Variants in PKHD1L1 observed in about 807,000 individuals in gnomAD.
PKHD1L1 encodes PKHD1 like 1, also known as fibrocystin-L.
Under a neutral mutation model 462.9 loss-of-function variants are expected in PKHD1L1, and 434 were observed. The observed-to-expected ratio is 0.94, with a 90% confidence interval of 0.87 to 1.02. PKHD1L1 has a LOEUF of 1.02. PKHD1L1 is among the 50% of genes least tolerant of loss of function. The pLI is 0.00. For synonymous variants in PKHD1L1, 1,781 were observed against 1,750.0 expected (o/e 1.02, Z -0.44); for missense variants, 5,202 against 5,096.1 (o/e 1.02, Z -0.63).
rs1414668285 is a variant in PKHD1L1 at position 109,385,481 on chromosome 8, G to GT, written c.476-55dup. 4 of 1,134,842 alleles carry GT rather than the reference G, an allele frequency of 3.5e-6. No homozygotes were observed. The African/African-American group carries it at 6.3e-5, about 18-fold the overall frequency. 70.3% of individuals were successfully genotyped at this position (1,134,842 alleles called of 1,614,324 possible). A position where few individuals can be genotyped will look rare whatever the true frequency, so the allele number is the denominator to read the frequency against. On this transcript the variant is annotated intron_variant, in intron 5 of 77. Coordinates refer to ENST00000378402, the MANE Select transcript of PKHD1L1 (RefSeq NM_177531.6). ...AAAATCTCTTATGTTTTCGTATTAAGTGTATGGATAGATTTTCTTACACAG... is the reference window on the plus strand; with the variant it reads ...AAAATCTCTTATGTTTTCGTATTAAGTTGTATGGATAGATTTTCTTACACAG...
intron 33 of PKHD1L1, 108 bp downstream of exon 33, chr8:109,440,960 C>G: frequency 7.6e-7 from 1 of 1,319,778 alleles, no homozygotes; most frequent in Non-Finnish European, 1.0e-6. Flanking sequence ...CTTTATTTTT[C>G]TAGTAGCATA....
chr8:109,409,872 G>C lies in PKHD1L1; in HGVS notation c.1979G>C (p.Gly660Ala), dbSNP rs1343287322. ...TLWSSEAEFQ[G>A]AVEEMVSTKC... ...TTTATATTGTTAATTTAGTTTCAGG[G>C]AGCAGTGGAAGAAATGGTTAGCACT... The change falls in exon 19 of 78, where the codon GGA becomes GCA. Residue 660 changes from glycine (G) to alanine (A), a missense_variant. This residue lies in a region of PKHD1L1 where 4,497 missense variants were observed against 4,336.8 expected (regional missense o/e 1.04). Transcript: ENST00000378402. The C allele has an allele frequency of 1.3e-6, 2 of 1,575,134 alleles. No individual in the cohort carries two copies. The highest frequency in any genetic ancestry group is 2.4e-5 in the South Asian group (2 of 84,828).
chr8:109,435,390 A>G (rs78088126), intron 29 of PKHD1L1, 36 bp downstream of exon 29: 1 of 1,587,316 alleles, frequency 6.3e-7, no homozygotes, highest in African/African-American at 1.3e-5. Context: ...AGAAAATTGC[A>G]TGCATTTCCA....
At chr8:109,363,866 CCGTGG>C (rs1811098233) in intron 1 of PKHD1L1, among the ~76,000 whole-genome samples, 1 of 152,096 alleles carries the variant, frequency 6.6e-6, no homozygotes, top group African/African-American at 2.4e-5. Flanking sequence ...CTTGAGGCAC[CCGTGG>C]CCTCTATGCT....
At chr8:109,416,312 A>C (rs1814167379) in intron 21 of PKHD1L1, among the ~76,000 whole-genome samples, 1 of 152,256 alleles carries the variant, frequency 6.6e-6, no homozygotes, top group African/African-American at 2.4e-5. Context: ...TCTTGTTTAC[A>C]CAAAGTTCAT....
chr8:109,396,442 C>CATTTAGAAG (rs1812980471), intron 11 of PKHD1L1, among the ~76,000 whole-genome samples: 1 of 152,170 alleles, frequency 6.6e-6, no homozygotes, highest in Non-Finnish European at 1.5e-5. Flanking sequence ...ACACACCTAC[C>CATTTAGAAG]CTTAATTTAG....
rs1256855511 is a variant in PKHD1L1, at chr8:109,532,568, T to C, written c.*2478T>C. Among the ~76,000 whole-genome samples the C allele has an allele frequency of 6.6e-6, 1 of 152,208 alleles. No individual in the cohort carries two copies. Among genetic ancestry groups the C allele is most frequent in the Admixed American group, 6.5e-5 (1 of 15,268 alleles). On this transcript the variant is annotated 3_prime_UTR_variant, in exon 78 of 78. Transcript: ENST00000378402. ...GGCTATCTAGCTCTTGAACAAGTCA[T>C]AAAAATCCTTTGATGTGTGAATATT...
rs780597034 is a variant in PKHD1L1, at chr8:109,464,683, T to C, written c.7851T>C (p.His2617=). 3.1e-6 allele frequency: 5 copies of C among 1,613,662 alleles called. No homozygotes were observed. In the East Asian group the frequency reaches 1.1e-4, roughly 36 times the overall value. Residue 2617 remains histidine, a synonymous_variant, in exon 49 of 78, where the codon CAT becomes CAC. Transcript: ENST00000378402. The part of the protein sequence containing the change: ...PLGEFFNNTV[H]SQGWFGMWIF... ...GCGAATTTTTTAACAATACTGTCCA[T>C]TCTCAAGGTTGGTTTGGAATGTGGA...
At chr8:109,447,224 GAAACAAAC>G (rs561404511) in intron 38 of PKHD1L1, among the ~76,000 whole-genome samples, 11 of 151,942 alleles carry the variant, frequency 7.2e-5, no homozygotes, top group South Asian at 2.1e-4. Context: ...CTCCATCTCC[GAAACAAAC>G]AAACAAACAA....
At chr8:109,513,180 C>A (rs1004030218) in intron 71 of PKHD1L1, among the ~76,000 whole-genome samples, 4 of 151,622 alleles carry the variant, frequency 2.6e-5, no homozygotes, top group African/African-American at 9.7e-5. Flanking sequence ...TAATTGAATA[C>A]CCTTTATTTC....
At position 109,464,357 on chromosome 8, in the gene PKHD1L1, C is replaced by G; in HGVS notation, c.7525C>G (p.His2509Asp). 1 of 1,613,326 alleles carries G rather than the reference C, an allele frequency of 6.2e-7. No individual in the cohort carries two copies. The highest frequency in any genetic ancestry group is 8.5e-7 in the Non-Finnish European group (1 of 1,179,570). Reference sequence around the variant, plus strand: ...CAGAGCTGTTACTATTCATAACACACACCATCTTCTGGTTGAGAGGAATAT... The same window carrying G: ...CAGAGCTGTTACTATTCATAACACAGACCATCTTCTGGTTGAGAGGAATAT... ...YNRAVTIHNT[H>D]HLLVERNIIY... Residue 2509 changes from histidine (H) to aspartate (D), a missense_variant, in exon 49 of 78, where the codon CAC becomes GAC. Physicochemically the swap from His to Asp is moderately conservative, Grantham distance 81. Coordinates refer to ENST00000378402, the MANE Select transcript of PKHD1L1 (RefSeq NM_177531.6).
chr8:109,468,498 G>A (rs944892470), intron 50 of PKHD1L1, among the ~76,000 whole-genome samples: 2 of 152,174 alleles, frequency 1.3e-5, no homozygotes, highest in East Asian at 1.9e-4. Context: ...TAAATAGTAA[G>A]TACTCAGCAA....
At chr8:109,407,155 T>C (rs146817104) in intron 17 of PKHD1L1, among the ~76,000 whole-genome samples, 23 of 152,302 alleles carry the variant, frequency 1.5e-4, no homozygotes, top group Non-Finnish European at 3.2e-4. Flanking sequence ...TGTGTGTGTG[T>C]TTACTTTTCT....
At chr8:109,509,851 C>T (rs1819879904) in intron 70 of PKHD1L1, among the ~76,000 whole-genome samples, 1 of 151,896 alleles carries the variant, frequency 6.6e-6, no homozygotes, top group Admixed American at 6.6e-5. Context: ...ATAATACTTC[C>T]AAGTAAGCTA....
chr8:109,381,112 A>G (rs1365331232), intron 2 of PKHD1L1, among the ~76,000 whole-genome samples: 1 of 152,138 alleles, frequency 6.6e-6, no homozygotes, highest in African/African-American at 2.4e-5. Flanking sequence ...ATCCAAGGGG[A>G]TGGTGGAACA....
intron 4 of PKHD1L1, among the ~76,000 whole-genome samples, chr8:109,383,277 A>AT (rs1159782780): frequency 2.4e-4 from 26 of 107,778 alleles, no homozygotes; most frequent in East Asian, 4.6e-4. Flanking sequence ...AATATATAAT[A>AT]GAATTATATA....
chr8:109,418,383 C>T (rs1372698782), intron 21 of PKHD1L1, among the ~76,000 whole-genome samples: 2 of 151,926 alleles, frequency 1.3e-5, no homozygotes, highest in Non-Finnish European at 2.9e-5. Flanking sequence ...CTGTAAGGTA[C>T]CCAAACAAAC....
Position 109,443,840 on chromosome 8 carries a change from A to G in PKHD1L1, c.4729A>G (p.Thr1577Ala). ...AAGCAACATTACTCCGTCCACTGGA[A>G]CAGTAAATGAACTAATAACAATTAT... The part of the protein sequence containing the change: ...SISNITPSTG[T>A]VNELITIIGH... The change falls in exon 37 of 78, where the codon ACA becomes GCA. Residue 1577 changes from threonine to alanine, a missense_variant. Physicochemically the swap from Thr to Ala is moderately conservative, Grantham distance 58. Transcript: ENST00000378402. 1 of 1,613,892 alleles carries G rather than the reference A, an allele frequency of 6.2e-7. No individual in the cohort carries two copies. Among genetic ancestry groups the G allele is most frequent in the Non-Finnish European group, 8.5e-7 (1 of 1,179,782 alleles).
chr8:109,366,580 G>A lies in PKHD1L1; in HGVS notation c.163+1944G>A, dbSNP rs941028305. 6.6e-5 allele frequency among the ~76,000 whole-genome samples: 10 copies of A among 152,124 alleles called. No individual in the cohort carries two copies. In the South Asian group the frequency reaches 1.2e-3, roughly 19 times the overall value. ...CTGCATTGTATACCTAAATGTTTGC[G>A]AAGAGGGAAAATCTTGTTACATATT... On this transcript the variant is annotated intron_variant, in intron 2 of 77. Transcript: ENST00000378402.
Sources: allele counts gnomAD v4.1 joint callset (sites outside exome capture counted in the v4.1 genomes callset), GRCh38; gene constraint gnomAD v4.1.1; regional missense constraint gnomAD v4.1.1; transcripts MANE v1.5; gene names NCBI Gene and HGNC (gene_info 2026-07-23, HGNC 2026-07-21).